SLC9C1: variants seen among roughly 807,000 people sequenced by gnomAD.
The protein encoded by SLC9C1 is sodium/hydrogen exchanger 10.
Under a neutral mutation model 140.9 loss-of-function variants are expected in SLC9C1, and 97 were observed. The ratio of observed to expected loss-of-function variants is 0.69; its 90% CI spans 0.58 to 0.82. The LOEUF (loss-of-function observed/expected upper bound fraction) is 0.82, where lower values mean the gene tolerates loss of function less well. Ranked by LOEUF, SLC9C1 falls within the 40% of genes least tolerant of loss-of-function variation. The pLI, the probability that SLC9C1 is intolerant of heterozygous loss-of-function variation, is 0.00. For synonymous variants in SLC9C1, 440 were observed against 442.6 expected, an observed-to-expected ratio of 0.99 and a Z score of 0.07; for missense variants, 1,340 against 1,389.3, an observed-to-expected ratio of 0.96 and a Z score of 0.56.
chr3:112,202,906 G>A (rs1271788841), intron 17 of SLC9C1, among the ~76,000 whole-genome samples: 1 of 151,836 alleles, frequency 6.6e-6, no homozygotes, highest in Non-Finnish European at 1.5e-5. Context: ...AGCTACCATT[G>A]TGCAGTCCCC....
At chr3:112,275,050 G>A in intron 5 of SLC9C1, 25 bp from the exon 6 acceptor site, 2 of 1,532,528 alleles carry the variant, frequency 1.3e-6, no homozygotes, top group Non-Finnish European at 1.7e-6. Flanking sequence ...GGGGAAAGAT[G>A]TTTTTTAAAG....
At chr3:112,285,459 C>G (rs2080481968) in intron 2 of SLC9C1, among the ~76,000 whole-genome samples, 2 of 152,272 alleles carry the variant, frequency 1.3e-5, no homozygotes, top group Admixed American at 6.5e-5. Flanking sequence ...CAGGCCAGTC[C>G]TGAGCTCCTG....
At chr3:112,194,964 G>A (rs886995283) in intron 20 of SLC9C1, among the ~76,000 whole-genome samples, 2 of 151,952 alleles carry the variant, frequency 1.3e-5, no homozygotes, top group African/African-American at 4.8e-5. Context: ...CTATTCAAAT[G>A]TTTTGCCCAT....
At chr3:112,155,137 T>C (rs1024623103) in intron 26 of SLC9C1, 88 bp from the exon 27 acceptor site, 1 of 1,156,514 alleles carries the variant, frequency 8.6e-7, no homozygotes, top group Non-Finnish European at 1.2e-6. Flanking sequence ...TAGATCAGAT[T>C]CAAATCACAC....
At chr3:112,273,201 C>G (rs1171616092) in intron 6 of SLC9C1, among the ~76,000 whole-genome samples, 1 of 151,828 alleles carries the variant, frequency 6.6e-6, no homozygotes, top group Non-Finnish European at 1.5e-5. Context: ...TGTTGCTCAC[C>G]TTAGTCAACT....
intron 25 of SLC9C1, among the ~76,000 whole-genome samples, chr3:112,168,232 C>G (rs899330035): frequency 6.6e-6 from 1 of 151,456 alleles, no homozygotes. Flanking sequence ...ACTCTGAGTC[C>G]TCTTTGAATT....
intron 7 of SLC9C1, among the ~76,000 whole-genome samples, chr3:112,269,205 G>A (rs1192228092): frequency 1.3e-5 from 2 of 152,108 alleles, no homozygotes; most frequent in African/African-American, 4.8e-5. Flanking sequence ...AAATTCCTGG[G>A]CTCAAGTGAT....
At chr3:112,260,111 T>C (rs934353289) in intron 10 of SLC9C1, among the ~76,000 whole-genome samples, 3 of 152,168 alleles carry the variant, frequency 2.0e-5, no homozygotes, top group African/African-American at 7.2e-5. Context: ...TATTAAAGTG[T>C]CCAATTATAA....
At chr3:112,150,840 A>ATATATATAT (rs1331641000) in intron 28 of SLC9C1, among the ~76,000 whole-genome samples, 5 of 57,320 alleles carry the variant, frequency 8.7e-5, no homozygotes, top group African/African-American at 3.6e-4. Flanking sequence ...ATATATATAT[A>ATATATATAT]TTTTTTTTTT....
rs2080458687 is a variant in SLC9C1, at chr3:112,284,880, G to A, written c.88+1824C>T. 2.0e-5 allele frequency among the ~76,000 whole-genome samples: 3 copies of A among 147,698 alleles called. No homozygotes were observed. In the South Asian group the frequency reaches 6.4e-4, roughly 31 times the overall value. On this transcript the variant is annotated intron_variant, in intron 2 of 28. Transcript: ENST00000305815. ...TAAAGAAATGTTTTAGTGTTTCAATGTTTCTAATATTTTAAATTACTAAAA... is the reference window on the plus strand; with the variant it reads ...TAAAGAAATGTTTTAGTGTTTCAATATTTCTAATATTTTAAATTACTAAAA...
chr3:112,289,055 G>T (rs371496167), intron 1 of SLC9C1, among the ~76,000 whole-genome samples: 4 of 152,196 alleles, frequency 2.6e-5, no homozygotes, highest in South Asian at 4.2e-4. Flanking sequence ...CCCAGCCAAG[G>T]TTAGCAACCA....
chr3:112,179,940 T>G (rs982501506), intron 22 of SLC9C1, among the ~76,000 whole-genome samples: 4 of 152,234 alleles, frequency 2.6e-5, no homozygotes, highest in African/African-American at 9.6e-5. Context: ...ATACCCATTT[T>G]AGGATGGCTA....
chr3:112,148,369 T>G (rs1465790060), intron 28 of SLC9C1, among the ~76,000 whole-genome samples: 1 of 152,214 alleles, frequency 6.6e-6, no homozygotes, highest in Non-Finnish European at 1.5e-5. Context: ...ATGGGTTCCT[T>G]CTCATCTGGA....
rs1217612409 is a variant in SLC9C1, at chr3:112,182,253, G to A, written c.2529C>T (p.Ile843=). 1 of 1,598,626 alleles carries A rather than the reference G, an allele frequency of 6.3e-7. No homozygotes were observed. The highest frequency in any genetic ancestry group is 2.3e-5 in the East Asian group (1 of 44,388). ...CAAGCACCTCTTTCTTTTTGGCCATGATTAACTAAAACATAAAATTTAAGA... is the reference window on the plus strand; with the variant it reads ...CAAGCACCTCTTTCTTTTTGGCCATAATTAACTAAAACATAAAATTTAAGA... The part of the protein sequence containing the change: ...KTEGAGINKL[I]MAKKKEVLDS... Residue 843 remains isoleucine (I), a synonymous_variant, in exon 21 of 29, where the codon ATC becomes ATT. Transcript: ENST00000305815.
intron 23 of SLC9C1, among the ~76,000 whole-genome samples, chr3:112,173,682 T>C (rs2077286692): frequency 6.6e-6 from 1 of 152,236 alleles, no homozygotes; most frequent in Non-Finnish European, 1.5e-5. Context: ...CAGTCTACTG[T>C]TGATGGGCAT....
At chr3:112,236,410 C>CA (rs1161875287) in intron 12 of SLC9C1, among the ~76,000 whole-genome samples, 2 of 152,142 alleles carry the variant, frequency 1.3e-5, no homozygotes, top group African/African-American at 2.4e-5. Flanking sequence ...TTGATCTTTT[C>CA]AAAAAACCAG....
At chr3:112,151,830 C>T (rs2074990256) in intron 28 of SLC9C1, 27 bp downstream of exon 28, 4 of 1,580,538 alleles carry the variant, frequency 2.5e-6, no homozygotes, top group Non-Finnish European at 3.5e-6. Flanking sequence ...TGCTCCTGAT[C>T]CTGTTGAGGA....
rs532466475 is a variant in SLC9C1 at position 112,226,542 on chromosome 3, T to C, written c.1572+4819A>G. On this transcript the variant is annotated intron_variant, in intron 13 of 28. Transcript: ENST00000305815. ...TTTGAGACCAGCCTGGCCAACATGG[T>C]GAAACCCCATATCTACTAAAATTAC... Among the ~76,000 whole-genome samples the C allele has an allele frequency of 2.0e-5, 3 of 152,142 alleles. No individual in the cohort carries two copies. The South Asian group carries it at 6.2e-4, about 32-fold the overall frequency.
intron 15 of SLC9C1, 134 bp downstream of exon 15, chr3:112,217,308 A>G: frequency 1.0e-6 from 1 of 1,001,320 alleles, no homozygotes; most frequent in Non-Finnish European, 1.4e-6. Context: ...TGCATATGTA[A>G]CCTGCACGTT....
Sources: gnomAD v4.1 joint callset for allele counts (sites outside exome capture counted in the v4.1 genomes callset) on GRCh38, gnomAD v4.1.1 for gene constraint, MANE v1.5 for transcripts, NCBI Gene and HGNC (gene_info 2026-07-23, HGNC 2026-07-21) for gene names.